The following SYN2 variants were observed in gnomAD, a reference collection of about 807,000 sequenced individuals.
The protein encoded by SYN2 is synapsin II, also known as synapsin-2.
SYN2 carries 19 observed loss-of-function variants against 50.9 expected under a neutral mutation model. The ratio of observed to expected loss-of-function variants is 0.37; its 90% CI spans 0.26 to 0.55. SYN2 has a LOEUF of 0.55. Among genes scored for constraint, SYN2 ranks in the 20% least tolerant of loss-of-function variants. The pLI is 0.81. For synonymous variants in SYN2, 255 were observed against 224.9 expected, an observed-to-expected ratio of 1.13 and a Z score of -1.20; for missense variants, 587 against 576.4, an observed-to-expected ratio of 1.02 and a Z score of -0.19.
intron 1 of SYN2, among the ~76,000 whole-genome samples, chr3:12,129,397 G>A (rs1301061262): frequency 6.6e-6 from 1 of 152,152 alleles, no homozygotes; most frequent in Non-Finnish European, 1.5e-5. Flanking sequence ...GAAGAAACAA[G>A]GAAGTAAAAG....
chr3:12,127,688 T>C (rs1315610513), intron 1 of SYN2, among the ~76,000 whole-genome samples: 2 of 152,184 alleles, frequency 1.3e-5, no homozygotes, highest in Non-Finnish European at 2.9e-5. Context: ...TATTGTTGCC[T>C]TGAGGTATGA....
At chr3:12,039,549 A>ATTTTTTTTTTTTTTTTTTTTT (rs60746238) in intron 1 of SYN2, among the ~76,000 whole-genome samples, 2 of 118,010 alleles carry the variant, frequency 1.7e-5, no homozygotes, top group Non-Finnish European at 1.7e-5. Flanking sequence ...AGAAGCAAAG[A>ATTTTTTTTTTTTTTTTTTTTT]TTTTTTTTTT....
At chr3:12,092,852 A>G (rs1172728714) in intron 1 of SYN2, among the ~76,000 whole-genome samples, 1 of 152,154 alleles carries the variant, frequency 6.6e-6, no homozygotes, top group Non-Finnish European at 1.5e-5. Context: ...CTTTGGAATA[A>G]TTTTTTAGGT....
chr3:12,124,940 T>C (rs1696635873), intron 1 of SYN2, among the ~76,000 whole-genome samples: 1 of 152,192 alleles, frequency 6.6e-6, no homozygotes, highest in African/African-American at 2.4e-5. Context: ...AATAAACAAG[T>C]ATGTTATATT....
intron 5 of SYN2, among the ~76,000 whole-genome samples, chr3:12,157,646 C>G (rs1242358096): frequency 1.3e-5 from 2 of 152,148 alleles, no homozygotes; most frequent in African/African-American, 4.8e-5. Flanking sequence ...CCTGGAAACA[C>G]CTCCCCTGCA....
intron 10 of SYN2, among the ~76,000 whole-genome samples, chr3:12,179,576 T>C (rs753997144): frequency 6.6e-6 from 1 of 152,118 alleles, no homozygotes; most frequent in Admixed American, 6.6e-5. Context: ...ATTTGACTAA[T>C]TTCAATCTTC....
chr3:12,114,195 A>C (rs955414191), intron 1 of SYN2, among the ~76,000 whole-genome samples: 2 of 151,802 alleles, frequency 1.3e-5, no homozygotes, highest in Non-Finnish European at 2.9e-5. Context: ...TCCCTTAATG[A>C]CGAATGATGT....
At chr3:12,143,691 A>G (rs1697081613) in intron 3 of SYN2, among the ~76,000 whole-genome samples, 2 of 152,106 alleles carry the variant, frequency 1.3e-5, no homozygotes, top group South Asian at 4.1e-4. Context: ...TCATCCACTG[A>G]TGGATACTTA....
chr3:12,024,545 C>G (rs935340528), intron 1 of SYN2, among the ~76,000 whole-genome samples: 1 of 152,230 alleles, frequency 6.6e-6, no homozygotes, highest in South Asian at 2.1e-4. Flanking sequence ...ACAGTAGAAA[C>G]TCTTTTTGTG....
At chr3:12,104,304 A>T (rs566181234) in intron 1 of SYN2, among the ~76,000 whole-genome samples, 1 of 152,156 alleles carries the variant, frequency 6.6e-6, no homozygotes, top group Non-Finnish European at 1.5e-5. Flanking sequence ...GGTTAAACTT[A>T]GGCTTAATTT....
chr3:12,052,066 ATCTT>A (rs1339168132), intron 1 of SYN2, among the ~76,000 whole-genome samples: 1 of 152,168 alleles, frequency 6.6e-6, no homozygotes, highest in Non-Finnish European at 1.5e-5. Flanking sequence ...TTTTTGACAC[ATCTT>A]TCTTTAGCCC....
chr3:12,121,238 T>A (rs113029072), intron 1 of SYN2, among the ~76,000 whole-genome samples: 2,480 of 152,302 alleles, frequency 0.016, 61 homozygotes, highest in African/African-American at 0.056. Flanking sequence ...TGTCTCTTTC[T>A]GCTTACACAT....
intron 1 of SYN2, among the ~76,000 whole-genome samples, chr3:12,041,988 T>C (rs975440348): frequency 6.6e-6 from 1 of 152,224 alleles, no homozygotes; most frequent in Non-Finnish European, 1.5e-5. Context: ...AATGCTAGCA[T>C]TGGTCACAGC....
At chr3:12,138,045 A>T (rs1696938365) in intron 1 of SYN2, among the ~76,000 whole-genome samples, 1 of 152,202 alleles carries the variant, frequency 6.6e-6, no homozygotes, top group African/African-American at 2.4e-5. Context: ...ATTCTAGCAC[A>T]CTGCCCTGTA....
At chr3:12,096,466 C>G (rs1695936714) in intron 1 of SYN2, among the ~76,000 whole-genome samples, 1 of 152,068 alleles carries the variant, frequency 6.6e-6, no homozygotes, top group Non-Finnish European at 1.5e-5. Flanking sequence ...TTCCAAGTGA[C>G]ATTTTCACAA....
At chr3:12,075,176 G>A (rs308972) in intron 1 of SYN2, among the ~76,000 whole-genome samples, 97,528 of 151,926 alleles carry the variant, frequency 0.64, 33,838 homozygotes, top group South Asian at 0.78. Flanking sequence ...GAAATGATTG[G>A]CCCAAGTTCT....
intron 1 of SYN2, among the ~76,000 whole-genome samples, chr3:12,115,186 G>A (rs1696406218): frequency 6.6e-6 from 1 of 152,154 alleles, no homozygotes; most frequent in South Asian, 2.1e-4. Context: ...ACTTGTGCAA[G>A]GTCAAATAAT....
chr3:12,102,988 T>A (rs1696109259), intron 1 of SYN2, among the ~76,000 whole-genome samples: 1 of 152,144 alleles, frequency 6.6e-6, no homozygotes, highest in African/African-American at 2.4e-5. Flanking sequence ...TATGAACACT[T>A]ATTTAGAATT....
intron 1 of SYN2, among the ~76,000 whole-genome samples, chr3:12,017,075 G>A (rs1694041732): frequency 6.6e-6 from 1 of 152,052 alleles, no homozygotes; most frequent in Admixed American, 6.5e-5. Context: ...TGGAAGAATG[G>A]GATTTAGATT....
Sources: allele counts gnomAD v4.1 joint callset (sites outside exome capture counted in the v4.1 genomes callset), GRCh38; gene constraint gnomAD v4.1.1; transcripts MANE v1.5; gene names NCBI Gene and HGNC (gene_info 2026-07-23, HGNC 2026-07-21).